Variants in CUX1 observed in about 807,000 individuals in gnomAD.
The protein encoded by CUX1 is cut like homeobox 1, also known as protein CASP.
In CUX1, 31 loss-of-function variants were observed where a neutral mutation model predicts 158.8. The observed-to-expected ratio is 0.20, with a 90% CI of 0.15 to 0.26. CUX1 has a LOEUF of 0.26. Ranked by LOEUF, CUX1 falls within the 10% of genes least tolerant of loss-of-function variation. The pLI, the probability that CUX1 is intolerant of heterozygous loss-of-function variation, is 1.00. For missense variants in CUX1, 1,589 were observed against 2,014.6 expected (o/e 0.79, Z 4.04); for synonymous variants, 879 against 862.1 (o/e 1.02, Z -0.34).
intron 2 of CUX1, among the ~76,000 whole-genome samples, chr7:101,936,649 C>T (rs1355829646): frequency 6.6e-6 from 1 of 152,152 alleles, no homozygotes; most frequent in African/African-American, 2.4e-5. Context: ...GGATTGGAGG[C>T]GGCAGCCGGG....
At chr7:102,233,654 G>C (rs1799226472) in intron 21 of CUX1, among the ~76,000 whole-genome samples, 1 of 152,176 alleles carries the variant, frequency 6.6e-6, no homozygotes, top group African/African-American at 2.4e-5. Flanking sequence ...AGGCGTGGTG[G>C]CGAGCACCTG....
At chr7:102,158,172 C>T (rs1789995234) in intron 8 of CUX1, among the ~76,000 whole-genome samples, 2 of 152,136 alleles carry the variant, frequency 1.3e-5, no homozygotes, top group Non-Finnish European at 2.9e-5. Context: ...TTACCTGTCA[C>T]CTCCTCTGCA....
At chr7:101,946,130 C>T (rs1487286896) in intron 2 of CUX1, among the ~76,000 whole-genome samples, 1 of 152,134 alleles carries the variant, frequency 6.6e-6, no homozygotes, top group East Asian at 1.9e-4. Flanking sequence ...TGTGGACAGA[C>T]AGAGTAGAAG....
At chr7:101,890,044 C>A (rs1412984096) in intron 1 of CUX1, among the ~76,000 whole-genome samples, 4 of 152,136 alleles carry the variant, frequency 2.6e-5, no homozygotes, top group Non-Finnish European at 5.9e-5. Context: ...GTGGGGTGCC[C>A]CCGGGGATTT....
intron 2 of CUX1, among the ~76,000 whole-genome samples, chr7:102,003,865 T>C (rs897595072): frequency 6.6e-6 from 1 of 152,160 alleles, no homozygotes; most frequent in South Asian, 2.1e-4. Flanking sequence ...ATAAGGTGTT[T>C]AGTTCTAGGC....
At chr7:101,816,405 G>GCGCCGCCGCCGCCGCCAGCGCCGCCGC (rs1392990684), upstream of CUX1, among the ~76,000 whole-genome samples, 1 of 141,992 alleles carries the variant, frequency 7.0e-6, no homozygotes, top group Non-Finnish European at 1.6e-5. Context: ...CCCGGGCCCC[G>GCGCCGCCGCCGCCGCCAGCGCCGCCGC]CGCCGCCGCC....
chr7:101,988,332 A>ATT (rs1477312117), intron 2 of CUX1, among the ~76,000 whole-genome samples: 1 of 152,182 alleles, frequency 6.6e-6, no homozygotes, highest in Non-Finnish European at 1.5e-5. Flanking sequence ...GAGGCAAGAA[A>ATT]CCCAGACAGA....
intron 1 of CUX1, among the ~76,000 whole-genome samples, chr7:101,885,774 A>G (rs905953856): frequency 6.6e-6 from 1 of 152,164 alleles, no homozygotes; most frequent in Non-Finnish European, 1.5e-5. Context: ...TATCTTGCCC[A>G]GCTCTCCCTG....
intron 9 of CUX1, among the ~76,000 whole-genome samples, chr7:102,169,836 T>G (rs574408808): frequency 1.3e-5 from 2 of 152,328 alleles, no homozygotes; most frequent in East Asian, 3.9e-4. Flanking sequence ...CTGTCCTGTC[T>G]ACGTCCTCGG....
intron 2 of CUX1, among the ~76,000 whole-genome samples, chr7:101,921,714 G>A (rs1202612938): frequency 6.6e-6 from 1 of 152,082 alleles, no homozygotes; most frequent in Non-Finnish European, 1.5e-5. Flanking sequence ...CACCCGCCTC[G>A]GCCTCCCGAA....
intron 2 of CUX1, among the ~76,000 whole-genome samples, chr7:101,993,311 CAG>C (rs1192699533): frequency 6.6e-6 from 1 of 151,752 alleles, no homozygotes; most frequent in Middle Eastern, 3.4e-3. Context: ...GCCTGGGTGA[CAG>C]AGTGTGACTC....
intron 1 of CUX1, among the ~76,000 whole-genome samples, chr7:101,826,703 G>A (rs774634086): frequency 6.6e-6 from 1 of 152,124 alleles, no homozygotes; most frequent in Non-Finnish European, 1.5e-5. Flanking sequence ...GTGGGCAGGG[G>A]GCGCCCACTG....
At chr7:102,202,286 C>A in intron 18 of CUX1, 82 bp downstream of exon 18, 4 of 1,503,252 alleles carry the variant, frequency 2.7e-6, no homozygotes, top group Non-Finnish European at 3.6e-6. Context: ...CAGCCTGTGA[C>A]CCTCACCCAT....
At chr7:101,883,719 C>T (rs1288282158) in intron 1 of CUX1, among the ~76,000 whole-genome samples, 1 of 151,762 alleles carries the variant, frequency 6.6e-6, no homozygotes, top group African/African-American at 2.4e-5. Flanking sequence ...CCTCAGCTTC[C>T]GGAGTAGCTG....
At chr7:102,224,276 A>G (rs1798133161) in intron 20 of CUX1, among the ~76,000 whole-genome samples, 1 of 152,078 alleles carries the variant, frequency 6.6e-6, no homozygotes. Context: ...GCACGATCTC[A>G]GCTCACTGCA....
chr7:102,204,646 G>A, intron 19 of CUX1, 90 bp downstream of exon 19: 3 of 1,517,594 alleles, frequency 2.0e-6, no homozygotes, highest in Non-Finnish European at 2.7e-6. Context: ...CAGAGAGGGA[G>A]GAGGGAACTC....
intron 1 of CUX1, chr7:101,913,423 C>CA (rs1238793187): frequency 7.6e-5 from 95 of 1,252,284 alleles, no homozygotes; most frequent in Non-Finnish European, 9.8e-5. Context: ...ACTGGCTCTG[C>CA]AGCCCCGGGA....
Position 102,017,106 on chromosome 7 carries a change from C to A in CUX1, c.142-10992C>A, listed in dbSNP as rs531118127. Among the ~76,000 whole-genome samples, 11 of 151,800 alleles carry A rather than the reference C, an allele frequency of 7.2e-5. No individual in the cohort carries two copies. The South Asian group carries it at 2.3e-3, about 32-fold the overall frequency. ...ATCACCTGAGGTCAGGAGTTTGAGA[C>A]CAGCCTGGCCAACACGGTGAAACCT... is the stretch of plus-strand genomic sequence containing the variant. On this transcript the variant is annotated intron_variant, in intron 2 of 23. Coordinates refer to ENST00000292535, the MANE Select transcript of CUX1 (RefSeq NM_181552.4).
chr7:101,855,770 C>G (rs911938154), intron 1 of CUX1, among the ~76,000 whole-genome samples: 1 of 149,672 alleles, frequency 6.7e-6, no homozygotes, highest in African/African-American at 2.5e-5. Flanking sequence ...CCCAGCTACT[C>G]GGGAGGCTGA....
Sources: gnomAD v4.1 joint callset for allele counts (sites outside exome capture counted in the v4.1 genomes callset) on GRCh38, gnomAD v4.1.1 for gene constraint, MANE v1.5 for transcripts, NCBI Gene and HGNC (gene_info 2026-07-23, HGNC 2026-07-21) for gene names.